RET: variants seen among roughly 807,000 people sequenced by gnomAD.
The protein encoded by RET is ret proto-oncogene.
RET carries 19 observed loss-of-function variants against 118.3 expected under a neutral mutation model. The ratio of observed to expected loss-of-function variants is 0.16; its 90% CI spans 0.11 to 0.24. The LOEUF (loss-of-function observed/expected upper bound fraction) is 0.24, where lower values mean the gene tolerates loss of function less well. Among genes scored for constraint, RET ranks in the 10% least tolerant of loss-of-function variants. The probability of loss-of-function intolerance (pLI) is 1.00; values close to 1 mark genes in which losing one functional copy is unlikely to be tolerated. For synonymous variants in RET, 597 were observed against 644.1 expected, an observed-to-expected ratio of 0.93 and a Z score of 1.11; for missense variants, 1,219 against 1,502.1, an observed-to-expected ratio of 0.81 and a Z score of 3.12.
chr10:43,102,627 A>C lies in RET; in HGVS notation c.623A>C (p.Glu208Ala), dbSNP rs1170238577. The change falls in exon 3 of 20, where the codon GAG becomes GCG. Residue 208 changes from glutamate (E) to alanine (A), a missense_variant and splice_region_variant. By Grantham distance (107) the Glu-to-Ala change is moderately radical (BLOSUM62 -1). This residue lies in a region of RET where 850 missense variants were observed against 969.6 expected (regional missense o/e 0.88). Transcript: ENST00000355710. ...PNISVAYRLL[E>A]GEGLPFRCAP... Reference sequence around the variant, plus strand: ...ATCAGCGTGGCCTACAGGCTCCTGGAGGGTGAGTGCCGACCTTGTGGGGCC... The same window carrying C: ...ATCAGCGTGGCCTACAGGCTCCTGGCGGGTGAGTGCCGACCTTGTGGGGCC... 6.2e-7 allele frequency: 1 copy of C among 1,613,968 alleles called. No individual in the cohort carries two copies. Among genetic ancestry groups the C allele is most frequent in the East Asian group, 2.2e-5 (1 of 44,870 alleles).
intron 18 of RET, among the ~76,000 whole-genome samples, chr10:43,125,568 G>A (rs953862641): frequency 2.0e-5 from 3 of 152,200 alleles, no homozygotes; most frequent in Admixed American, 2.0e-4. Flanking sequence ...AAGCATATCG[G>A]GGGGTGGCCA....
At position 43,119,756 on chromosome 10, in the gene RET, A is replaced by G; in HGVS notation, c.2607+11A>G. ...CTGGCCGAGATGAAGGTGCGTGCAT[A>G]TGGCTCTGCACCCAGCCAGCCCCGG... On this transcript the variant is annotated intron_variant, in intron 14 of 19. Transcript: ENST00000355710. 6.2e-7 allele frequency: 1 copy of G among 1,612,084 alleles called. No homozygotes were observed. Among genetic ancestry groups the G allele is most frequent in the Non-Finnish European group, 8.5e-7 (1 of 1,179,686 alleles).
intron 1 of RET, among the ~76,000 whole-genome samples, chr10:43,099,179 G>A (rs1382970578): frequency 2.0e-5 from 3 of 152,052 alleles, no homozygotes; most frequent in Non-Finnish European, 2.9e-5. Context: ...TGTCCACAGC[G>A]CCTTCAGTGA....
At chr10:43,111,599 C>A (rs2132781917) in intron 7 of RET, 134 bp downstream of exon 7, 2 of 974,058 alleles carry the variant, frequency 2.1e-6, no homozygotes, top group Non-Finnish European at 3.0e-6. Context: ...CAGCTTCACC[C>A]TGAGTGACCC....
intron 9 of RET, 125 bp downstream of exon 9, chr10:43,113,088 G>A (rs1210193832): frequency 1.3e-6 from 1 of 790,084 alleles, no homozygotes; most frequent in Admixed American, 2.0e-5. Flanking sequence ...AGCCTCCTGT[G>A]CATTTCAGCA....
At chr10:43,078,857 G>A (rs993182297) in intron 1 of RET, among the ~76,000 whole-genome samples, 1 of 152,216 alleles carries the variant, frequency 6.6e-6, no homozygotes, top group African/African-American at 2.4e-5. Flanking sequence ...ATCCAGAGAT[G>A]GTGAGCCCCT....
intron 13 of RET, among the ~76,000 whole-genome samples, chr10:43,119,139 G>A (rs1052925489): frequency 1.3e-5 from 2 of 152,154 alleles, no homozygotes; most frequent in Non-Finnish European, 2.9e-5. Flanking sequence ...AGAGCCCAGC[G>A]CCAGGCAGGA....
rs1280250127 is a variant in RET, at chr10:43,114,657, G to A, written c.2057G>A (p.Ser686Asn). ...FRRPAQAFPVSYSSSGARRPS... is the reference protein window; with the variant it reads ...FRRPAQAFPVNYSSSGARRPS... Reference sequence around the variant, plus strand: ...AGGCCCGCCCAGGCCTTCCCGGTCAGCTACTCCTCTTCCGGTGCCCGCCGG... The same window carrying A: ...AGGCCCGCCCAGGCCTTCCCGGTCAACTACTCCTCTTCCGGTGCCCGCCGG... The change falls in exon 11 of 20, where the codon AGC (serine) becomes AAC (asparagine). Residue 686 changes from serine (S) to asparagine (N), a missense_variant. Physicochemically the swap from Ser to Asn is conservative, Grantham distance 46 (BLOSUM62 1). Around this residue, in one of 5 missense-constraint regions of RET, gnomAD observed 850 missense variants for 969.6 expected, o/e 0.88. Coordinates refer to ENST00000355710, the MANE Select transcript of RET (RefSeq NM_020975.6). This position sits in a 1 kb window ranked among gnomAD's most constrained non-coding sequence, Gnocchi z 4.6. 6.2e-7 allele frequency: 1 copy of A among 1,612,924 alleles called. No individual in the cohort carries two copies. The highest frequency in any genetic ancestry group is 1.1e-5 in the South Asian group (1 of 91,070).
chr10:43,077,197 C>A lies in RET; in HGVS notation c.-62C>A. 7.0e-7 allele frequency: 1 copy of A among 1,420,984 alleles called. No individual in the cohort carries two copies. The highest frequency in any genetic ancestry group is 9.2e-7 in the Non-Finnish European group (1 of 1,085,116). 88.0% of individuals were successfully genotyped at this position (1,420,984 alleles called of 1,614,324 possible). On this transcript the variant is annotated 5_prime_UTR_variant, in exon 1 of 20. Transcript: ENST00000355710. ...GCGGCCAGACTGAGCGCCGCACCCG[C>A]CATCCAGACCCGCCGGCCCTAGCCG...
chr10:43,078,385 G>T (rs1366216660), intron 1 of RET, among the ~76,000 whole-genome samples: 2 of 152,208 alleles, frequency 1.3e-5, no homozygotes, highest in Admixed American at 6.5e-5. Context: ...CCTGTCTCTG[G>T]CCCCAGGCCC....
chr10:43,087,722 T>C (rs1460276564), intron 1 of RET, among the ~76,000 whole-genome samples: 1 of 152,160 alleles, frequency 6.6e-6, no homozygotes, highest in Admixed American at 6.5e-5. Flanking sequence ...TCAAGCAGGG[T>C]TATAAATACA....
In RET at chr10:43,128,177, A is replaced by G. The variant is rs756465544; in HGVS notation, c.3253A>G (p.Thr1085Ala). The change falls in exon 20 of 20, where the codon ACT (threonine) becomes GCT (alanine). Residue 1085 changes from threonine to alanine, a missense_variant. By Grantham distance (58) the Thr-to-Ala change is moderately conservative. Coordinates refer to ENST00000355710, the MANE Select transcript of RET (RefSeq NM_020975.6). ...ACTCACGAGAGCTGATGGCACTAAC[A>G]CTGGGTTTCCAAGATATCCAAATGA... is the stretch of plus-strand genomic sequence containing the variant. Reference protein sequence around the residue: ...VPLTRADGTNTGFPRYPNDSV... With the variant: ...VPLTRADGTNAGFPRYPNDSV... 91 of 1,614,060 alleles carry G rather than the reference A, an allele frequency of 5.6e-5. No individual in the cohort carries two copies. Among genetic ancestry groups the G allele is most frequent in the Non-Finnish European group, 7.5e-5 (88 of 1,180,032 alleles).
At chr10:43,104,329 C>CA (rs1837709120) in intron 3 of RET, among the ~76,000 whole-genome samples, 1 of 150,064 alleles carries the variant, frequency 6.7e-6, no homozygotes, top group African/African-American at 2.4e-5. Flanking sequence ...CCAAGGTCAC[C>CA]AATATGGTGA....
chr10:43,129,659 A>G lies in RET; in HGVS notation c.*1390A>G. The G allele has an allele frequency of 3.5e-6, 1 of 286,584 alleles. No individual in the cohort carries two copies. The highest frequency in any genetic ancestry group is 6.5e-6 in the Non-Finnish European group (1 of 154,868). 17.8% of individuals were successfully genotyped at this position (286,584 alleles called of 1,614,324 possible). ...CCTGCTCTTCAGACTTAAAGCACTGATAGGACTTAAAATAGTCTCATTCAA... is the reference window on the plus strand; with the variant it reads ...CCTGCTCTTCAGACTTAAAGCACTGGTAGGACTTAAAATAGTCTCATTCAA... On this transcript the variant is annotated 3_prime_UTR_variant, in exon 20 of 20. Transcript: ENST00000355710.
In RET at chr10:43,106,596, T is replaced by G; in HGVS notation, c.1063+25T>G. ...AGTAAGAGGGGCTGGTGGCACGGCCTGGCTAGGCCCCCAGGAAATGAGGTG... is the reference window on the plus strand; with the variant it reads ...AGTAAGAGGGGCTGGTGGCACGGCCGGGCTAGGCCCCCAGGAAATGAGGTG... On this transcript the variant is annotated intron_variant, in intron 5 of 19. Transcript: ENST00000355710. This position sits in a 1 kb window ranked among gnomAD's most constrained non-coding sequence, Gnocchi z 5.1. 6.2e-7 allele frequency: 1 copy of G among 1,609,270 alleles called. No individual in the cohort carries two copies. The highest frequency in any genetic ancestry group is 1.1e-5 in the South Asian group (1 of 90,400).
chr10:43,114,038 G>A lies in RET; in HGVS notation c.1879+363G>A, dbSNP rs891543643. Among the ~76,000 whole-genome samples, 7 of 152,202 alleles carry A rather than the reference G, an allele frequency of 4.6e-5. No homozygotes were observed. The highest frequency in any genetic ancestry group is 1.4e-4 in the African/African-American group (6 of 41,442). The stretch of plus-strand genomic sequence containing the variant: ...CACACTGACTACACTCAGGGGTGCT[G>A]TTCTGCCTGAGCATAGGGACACGTT... On this transcript the variant is annotated intron_variant, in intron 10 of 19. Coordinates refer to ENST00000355710, the MANE Select transcript of RET (RefSeq NM_020975.6). This position sits in a 1 kb window ranked among gnomAD's most constrained non-coding sequence, Gnocchi z 4.6.
rs2565206 is a variant in RET, at chr10:43,100,333, G to A, written c.74-126G>A. 6.3e-6 allele frequency: 7 copies of A among 1,105,802 alleles called. No individual in the cohort carries two copies. In the Middle Eastern group the frequency reaches 1.1e-3, roughly 173 times the overall value. 68.5% of individuals were successfully genotyped at this position (1,105,802 alleles called of 1,614,324 possible). The stretch of plus-strand genomic sequence containing the variant: ...ACTATACAAATAATTGAGTGTTCAT[G>A]TTCTCAGGAACAGAGATGAAAAACT... On this transcript the variant is annotated intron_variant, in intron 1 of 19. Coordinates refer to ENST00000355710, the MANE Select transcript of RET (RefSeq NM_020975.6).
At chr10:43,121,847 G>T (rs1442091025) in intron 15 of RET, 99 bp from the exon 16 acceptor site, 3 of 879,514 alleles carry the variant, frequency 3.4e-6, no homozygotes, top group Non-Finnish European at 5.9e-6. Flanking sequence ...CACTCCTCTG[G>T]TTACTGAAAG....
At chr10:43,101,765 T>C (rs190122671) in intron 2 of RET, among the ~76,000 whole-genome samples, 1 of 152,256 alleles carries the variant, frequency 6.6e-6, no homozygotes, top group East Asian at 1.9e-4. Context: ...AAGAATTAAT[T>C]ACAACAGGGG....
Sources: allele counts gnomAD v4.1 joint callset (sites outside exome capture counted in the v4.1 genomes callset), GRCh38; gene constraint gnomAD v4.1.1; regional missense constraint gnomAD v4.1.1; non-coding constraint Gnocchi (gnomAD v3.1); transcripts MANE v1.5; gene names NCBI Gene and HGNC (gene_info 2026-07-23, HGNC 2026-07-21).